CERS3: variants seen among roughly 807,000 people sequenced by gnomAD.
CERS3 encodes ceramide synthase 3.
In CERS3, 33 loss-of-function variants were observed where a neutral mutation model predicts 50.3. That is an observed-to-expected ratio of 0.66 (90% confidence interval 0.50 to 0.88). CERS3 has a LOEUF of 0.88. Ranked by LOEUF, CERS3 falls within the 40% of genes least tolerant of loss-of-function variation. The probability of loss-of-function intolerance (pLI) is 0.00; values close to 1 mark genes in which losing one functional copy is unlikely to be tolerated. For synonymous variants in CERS3, 176 were observed against 155.2 expected, an observed-to-expected ratio of 1.13 and a Z score of -0.99; for missense variants, 470 against 460.3, an observed-to-expected ratio of 1.02 and a Z score of -0.19.
chr15:100,429,672 C>T (rs931715886), intron 11 of CERS3, among the ~76,000 whole-genome samples: 7 of 152,152 alleles, frequency 4.6e-5, no homozygotes, highest in Non-Finnish European at 8.8e-5. Context: ...AGATAATGAA[C>T]TCCTCTTCCA....
At chr15:100,467,788 T>C (rs1162984522) in intron 10 of CERS3, among the ~76,000 whole-genome samples, 4 of 104,920 alleles carry the variant, frequency 3.8e-5, no homozygotes, top group Admixed American at 1.1e-4. Context: ...TATACACACA[T>C]ATATATGTAT....
At chr15:100,476,793 C>T (rs55906715) in intron 7 of CERS3, among the ~76,000 whole-genome samples, 18,474 of 152,106 alleles carry the variant, frequency 0.12, 1,340 homozygotes, top group Admixed American at 0.22. Flanking sequence ...ACTTAGTGTA[C>T]CCAATGAATG....
chr15:100,538,427 C>A (rs2142432250), intron 1 of CERS3, among the ~76,000 whole-genome samples: 1 of 152,374 alleles, frequency 6.6e-6, no homozygotes, highest in Non-Finnish European at 1.5e-5. Flanking sequence ...GCCTAGACAT[C>A]CAGGCATTTC....
rs2030571901 is a variant in CERS3 at position 100,401,991 on chromosome 15, A to G, written c.*722T>C. ...TTTCTTGGCACTTTCATTTCCAGGT[A>G]TCTCCAGAGTCATTTAAGAGGAATT... On this transcript the variant is annotated 3_prime_UTR_variant, in exon 12 of 12. Transcript: ENST00000679737. The G allele has an allele frequency of 6.6e-6, 1 of 152,240 alleles. No individual in the cohort carries two copies. The highest frequency in any genetic ancestry group is 2.4e-5 in the African/African-American group (1 of 41,448). 9.4% of individuals were successfully genotyped at this position (152,240 alleles called of 1,614,324 possible). A position where few individuals can be genotyped will look rare whatever the true frequency, so the allele number is the denominator to read the frequency against.
chr15:100,466,733 C>CTTCT (rs1567638259), intron 10 of CERS3, among the ~76,000 whole-genome samples: 6 of 138,056 alleles, frequency 4.3e-5, no homozygotes, highest in African/African-American at 1.1e-4. Context: ...ATCTTCTTTC[C>CTTCT]TTCTTTCCTT....
At chr15:100,443,880 A>G (rs531565138) in intron 11 of CERS3, among the ~76,000 whole-genome samples, 4 of 152,164 alleles carry the variant, frequency 2.6e-5, no homozygotes, top group African/African-American at 7.2e-5. Context: ...TCCTAAAAAA[A>G]CCATTCTATA....
In CERS3 at chr15:100,402,678, G is replaced by A; in HGVS notation, c.*35C>T. 5 of 1,604,222 alleles carry A rather than the reference G, an allele frequency of 3.1e-6. No homozygotes were observed. Among genetic ancestry groups the A allele is most frequent in the Non-Finnish European group, 4.3e-6 (5 of 1,175,892 alleles). ...AGCCAGGCTGCCAACAGTACTTGCA[G>A]CATGCTGTGCCATGGGAGTCCTGTA... On this transcript the variant is annotated 3_prime_UTR_variant, in exon 12 of 12. Transcript: ENST00000679737.
chr15:100,419,604 T>G (rs917621122), intron 11 of CERS3, among the ~76,000 whole-genome samples: 11 of 146,298 alleles, frequency 7.5e-5, no homozygotes, highest in African/African-American at 2.8e-4. Context: ...TACAGAACTC[T>G]CCACCCCAAA....
In CERS3 at chr15:100,455,977, G is replaced by A; in HGVS notation, c.915C>T (p.Asn305=). Residue 305 remains asparagine (N), a synonymous_variant, in exon 11 of 12, where the codon AAC becomes AAT. Coordinates refer to ENST00000679737, the MANE Select transcript of CERS3 (RefSeq NM_001378789.1). ...LEPFFSYIFL[N]LQLMILQVLH... ...GGACCTGCAAGATCATGAGCTGTAGGTTGAGGAAGATGTATGAAAAGAAAG... is the reference window on the plus strand; with the variant it reads ...GGACCTGCAAGATCATGAGCTGTAGATTGAGGAAGATGTATGAAAAGAAAG... The A allele has an allele frequency of 6.2e-7, 1 of 1,613,180 alleles. No individual in the cohort carries two copies. Among genetic ancestry groups the A allele is most frequent in the East Asian group, 2.2e-5 (1 of 44,824 alleles).
chr15:100,422,877 T>A (rs1039537430), intron 11 of CERS3, among the ~76,000 whole-genome samples: 3 of 134,936 alleles, frequency 2.2e-5, no homozygotes, highest in Non-Finnish European at 4.6e-5. Context: ...CAGGTGGGAA[T>A]TGAACAATGA....
At chr15:100,416,605 T>C (rs1158707526) in intron 11 of CERS3, among the ~76,000 whole-genome samples, 1 of 152,160 alleles carries the variant, frequency 6.6e-6, no homozygotes, top group African/African-American at 2.4e-5. Context: ...GCAAGGACCT[T>C]CTTCACATGG....
Position 100,453,639 on chromosome 15 carries a change from A to G in CERS3, c.999+2254T>C, listed in dbSNP as rs372784801. Among the ~76,000 whole-genome samples the G allele has an allele frequency of 1.1e-4, 17 of 152,334 alleles. No individual in the cohort carries two copies. In the South Asian group the frequency reaches 2.7e-3, roughly 24 times the overall value. On this transcript the variant is annotated intron_variant, in intron 11 of 11. Transcript: ENST00000679737. Reference sequence around the variant, plus strand: ...ACTCCTGTTTGACGTAGTACTGGACATTAAAGTCAGAGCAATCAGGCAAGA... The same window carrying G: ...ACTCCTGTTTGACGTAGTACTGGACGTTAAAGTCAGAGCAATCAGGCAAGA...
At chr15:100,476,031 G>A (rs1469772766) in intron 8 of CERS3, 55 bp downstream of exon 8, 1 of 1,203,914 alleles carries the variant, frequency 8.3e-7, no homozygotes, top group Non-Finnish European at 1.2e-6. Flanking sequence ...TTGGGGCAGG[G>A]AGATGGCAAT....
At chr15:100,457,181 T>C (rs991747497) in intron 10 of CERS3, among the ~76,000 whole-genome samples, 1 of 152,170 alleles carries the variant, frequency 6.6e-6, no homozygotes, top group Non-Finnish European at 1.5e-5. Context: ...TCCTATACAA[T>C]TTTTTAATTT....
In CERS3 at chr15:100,466,824, C is replaced by CTCTTTCTCTCTTTCTCTCTTTCTCTCTTT. The variant is rs1220486686; in HGVS notation, c.845+2553_845+2554insAAAGAGAGAAAGAGAGAAAGAGAGAAAGA. Among the ~76,000 whole-genome samples, 6 of 30,712 alleles carry CTCTTTCTCTCTTTCTCTCTTTCTCTCTTT rather than the reference C, an allele frequency of 2.0e-4. 1 individual carries two copies. The highest frequency in any genetic ancestry group is 4.5e-4 in the Admixed American group (1 of 2,204). The allele number at this position is 30,712 out of a possible 152,430, so 20.1% of individuals were successfully genotyped here. On this transcript the variant is annotated intron_variant, in intron 10 of 11. Coordinates refer to ENST00000679737, the MANE Select transcript of CERS3 (RefSeq NM_001378789.1). Reference sequence around the variant, plus strand: ...CCCTCCCTCCCTCCCTCCCTCTCTCCCTCTCTCCCTCTCTCCCTCTCTCTT... The same window carrying CTCTTTCTCTCTTTCTCTCTTTCTCTCTTT: ...CCCTCCCTCCCTCCCTCCCTCTCTCCTCTTTCTCTCTTTCTCTCTTTCTCTCTTTCTCTCTCCCTCTCTCCCTCTCTCTT...
chr15:100,540,496 A>G (rs1013367535), intron 1 of CERS3, among the ~76,000 whole-genome samples: 47 of 152,336 alleles, frequency 3.1e-4, no homozygotes, highest in African/African-American at 1.0e-3. Context: ...GTGAGCTGAA[A>G]TCGTGCCATT....
At chr15:100,484,434 G>A (rs2035425675) in intron 5 of CERS3, 116 bp downstream of exon 5, 2 of 695,894 alleles carry the variant, frequency 2.9e-6, no homozygotes, top group East Asian at 5.2e-5. Context: ...ACATCAGTGG[G>A]TGACAGAGCT....
intron 11 of CERS3, among the ~76,000 whole-genome samples, chr15:100,412,954 T>C (rs7164018): frequency 3.3e-5 from 5 of 152,050 alleles, no homozygotes; most frequent in Admixed American, 1.3e-4. Flanking sequence ...CCCTGTAGAG[T>C]GATACAGCTT....
chr15:100,418,094 G>A (rs527544109), intron 11 of CERS3, among the ~76,000 whole-genome samples: 3 of 152,086 alleles, frequency 2.0e-5, no homozygotes, highest in East Asian at 1.9e-4. Flanking sequence ...TGACTTTGAC[G>A]AGCTGAGAGA....
Sources: gnomAD v4.1 joint callset for allele counts (sites outside exome capture counted in the v4.1 genomes callset) on GRCh38, gnomAD v4.1.1 for gene constraint, MANE v1.5 for transcripts, NCBI Gene and HGNC (gene_info 2026-07-23, HGNC 2026-07-21) for gene names.